Variants in DNM1L observed in about 807,000 individuals in gnomAD.
DNM1L encodes dynamin 1L, also known as dynamin-1-like protein.
Under a neutral mutation model 92.8 loss-of-function variants are expected in DNM1L, and 33 were observed. The ratio of observed to expected loss-of-function variants is 0.36; its 90% CI spans 0.27 to 0.48. DNM1L has a LOEUF of 0.48. Among genes scored for constraint, DNM1L ranks in the 20% least tolerant of loss-of-function variants. The pLI, the probability that DNM1L is intolerant of heterozygous loss-of-function variation, is 0.99. For synonymous variants in DNM1L, 284 were observed against 305.0 expected, an observed-to-expected ratio of 0.93 and a Z score of 0.72; for missense variants, 485 against 888.8, an observed-to-expected ratio of 0.55 and a Z score of 5.78.
intron 14 of DNM1L, 98 bp from the exon 15 acceptor site, chr12:32,737,767 C>T (rs1435893891): frequency 3.7e-5 from 33 of 899,620 alleles, no homozygotes; most frequent in African/African-American, 1.3e-4. Flanking sequence ...TGTTATTTTA[C>T]GATTTCATTA....
At chr12:32,686,091 C>T (rs1386737688) in intron 1 of DNM1L, among the ~76,000 whole-genome samples, 1 of 113,082 alleles carries the variant, frequency 8.8e-6, no homozygotes, top group Non-Finnish European at 1.7e-5. Flanking sequence ...GCTCTTGTTG[C>T]CCAGGCTGGA....
Position 32,707,012 on chromosome 12 carries a change from C to T in DNM1L, c.251-355C>T, listed in dbSNP as rs984880444. Reference sequence around the variant, plus strand: ...AAACTGCTTTTATATGTAAGATTTTCAAAACTAAAGAATATTCCTTTTACT... The same window carrying T: ...AAACTGCTTTTATATGTAAGATTTTTAAAACTAAAGAATATTCCTTTTACT... On this transcript the variant is annotated intron_variant, in intron 2 of 19. Transcript: ENST00000549701. The T allele has an allele frequency of 3.1e-4, 70 of 224,000 alleles. 1 individual carries two copies. The highest frequency in any genetic ancestry group is 6.0e-4 in the Admixed American group (11 of 18,196). The allele number at this position is 224,000 out of a possible 1,614,324, so 13.9% of individuals were successfully genotyped here. A position where few individuals can be genotyped will look rare whatever the true frequency, so the allele number is the denominator to read the frequency against.
intron 1 of DNM1L, among the ~76,000 whole-genome samples, chr12:32,689,404 T>G (rs1057410597): frequency 6.6e-6 from 1 of 151,948 alleles, no homozygotes; most frequent in African/African-American, 2.4e-5. Flanking sequence ...TCCATGTTAG[T>G]CAGTCTGGTC....
intron 1 of DNM1L, among the ~76,000 whole-genome samples, chr12:32,686,721 C>T (rs1407923910): frequency 3.3e-5 from 5 of 152,174 alleles, no homozygotes; most frequent in African/African-American, 7.2e-5. Flanking sequence ...TTTTCCACAG[C>T]AGCTACACCA....
intron 12 of DNM1L, chr12:32,732,550 C>T (rs912870684): frequency 2.2e-6 from 1 of 455,756 alleles, no homozygotes; most frequent in Non-Finnish European, 4.4e-6. Flanking sequence ...CATTTGGGTC[C>T]TTGGCTCAGG....
intron 1 of DNM1L, chr12:32,679,774 C>T: frequency 9.4e-7 from 1 of 1,063,904 alleles, no homozygotes; most frequent in Non-Finnish European, 1.1e-6. Context: ...GAACTGGAGT[C>T]CGCTGGGACC....
chr12:32,722,460 A>G lies in DNM1L; in HGVS notation c.906A>G (p.Pro302=), dbSNP rs757320981. 1.2e-6 allele frequency: 2 copies of G among 1,612,962 alleles called. No homozygotes were observed. Among genetic ancestry groups the G allele is most frequent in the Admixed American group, 1.7e-5 (1 of 60,022 alleles). Residue 302 remains proline, a synonymous_variant, in exon 9 of 20, where the codon CCA becomes CCG. Transcript: ENST00000549701. The stretch of plus-strand genomic sequence containing the variant: ...TGCATCACATCAGAGATTGTTTACC[A>G]GAGTTGAAAACAAGAATAAATGTTC... The part of the protein sequence containing the change: ...LLMHHIRDCL[P]ELKTRINVLA...
At chr12:32,685,440 A>G (rs1951970855) in intron 1 of DNM1L, among the ~76,000 whole-genome samples, 1 of 142,916 alleles carries the variant, frequency 7.0e-6, no homozygotes, top group Non-Finnish European at 1.5e-5. Flanking sequence ...GGCTTACCGC[A>G]ACCTCTGCCT....
rs1487422671 is a variant in DNM1L at position 32,743,775 on chromosome 12, A to C, written c.*365A>C. On this transcript the variant is annotated 3_prime_UTR_variant, in exon 20 of 20. Transcript: ENST00000549701. ...TTAGTAGTCTTAAAGCTGCTGCCAT[A>C]GTCCTCCAAGAAGAAAGCACCAAGA... The C allele has an allele frequency of 3.9e-6, 1 of 255,884 alleles. No homozygotes were observed. The highest frequency in any genetic ancestry group is 2.2e-5 in the African/African-American group (1 of 45,024). The allele number at this position is 255,884 out of a possible 1,614,324, so 15.9% of individuals were successfully genotyped here.
intron 6 of DNM1L, among the ~76,000 whole-genome samples, chr12:32,714,797 G>T (rs1354241421): frequency 6.6e-6 from 1 of 151,008 alleles, no homozygotes; most frequent in Non-Finnish European, 1.5e-5. Flanking sequence ...GACCAGCCTG[G>T]GCAGCAAAGT....
rs1409713200 is a variant in DNM1L, at chr12:32,699,104, A to G, written c.103-2311A>G. Among the ~76,000 whole-genome samples the G allele has an allele frequency of 7.9e-5, 12 of 152,288 alleles. No homozygotes were observed. The East Asian group carries it at 1.3e-3, about 17-fold the overall frequency. ...CTTGTTCTTAGGAGATGCATGCCAC[A>G]ATGTTTAGAGTGGAGTATCATGATT... is the stretch of plus-strand genomic sequence containing the variant. On this transcript the variant is annotated intron_variant, in intron 1 of 19. Coordinates refer to ENST00000549701, the MANE Select transcript of DNM1L (RefSeq NM_012062.5).
At position 32,743,412 on chromosome 12, in the gene DNM1L, GA is replaced by G. The variant is rs570804733; in HGVS notation, c.*3del. On this transcript the variant is annotated 3_prime_UTR_variant, in exon 20 of 20. Transcript: ENST00000549701. ...ATCCGGGAGACTCATCTTTGGTGAA[GA>G]GAACTATGTAATACTGAGACTTTGT... is the stretch of plus-strand genomic sequence containing the variant. 706 of 1,613,876 alleles carry G rather than the reference GA, an allele frequency of 4.4e-4. 6 individuals carry two copies. In the African/African-American group the frequency reaches 8.0e-3, roughly 18 times the overall value.
chr12:32,717,406 AATATATATTTTAAATATATACT>A (rs1236381319), intron 6 of DNM1L, among the ~76,000 whole-genome samples: 13,727 of 71,062 alleles, frequency 0.19, 1,854 homozygotes, highest in African/African-American at 0.38. Flanking sequence ...TATAATATAT[AATATATATTTTAAATATATACT>A]ATATATATTT....
intron 1 of DNM1L, among the ~76,000 whole-genome samples, chr12:32,699,422 G>C (rs899900727): frequency 1.3e-5 from 2 of 152,064 alleles, no homozygotes; most frequent in Admixed American, 1.3e-4. Flanking sequence ...TGAATAAGCA[G>C]ATCACTAAAG....
intron 14 of DNM1L, 69 bp from the exon 15 acceptor site, chr12:32,737,796 T>C (rs1000871471): frequency 4.2e-5 from 49 of 1,167,924 alleles, no homozygotes; most frequent in Non-Finnish European, 2.8e-5. Flanking sequence ...AAAAATTCAT[T>C]TATAGAATGT....
chr12:32,741,906 G>C (rs563106640), intron 18 of DNM1L, among the ~76,000 whole-genome samples: 2 of 151,992 alleles, frequency 1.3e-5, no homozygotes, highest in Non-Finnish European at 2.9e-5. Flanking sequence ...ACCTAATAAT[G>C]CATTTCTCAA....
intron 4 of DNM1L, chr12:32,709,435 T>G (rs946786945): frequency 2.6e-5 from 4 of 152,182 alleles, no homozygotes; most frequent in Non-Finnish European, 4.4e-5. Context: ...TTCAGAAATG[T>G]TTTTAGTTAC....
chr12:32,692,010 A>G (rs1199397436), intron 1 of DNM1L, among the ~76,000 whole-genome samples: 1 of 123,808 alleles, frequency 8.1e-6, no homozygotes, highest in African/African-American at 4.4e-5. Flanking sequence ...TCAGACTGGC[A>G]TTAGATTCCA....
At chr12:32,712,672 A>AAAG (rs1953183385) in intron 5 of DNM1L, among the ~76,000 whole-genome samples, 2 of 148,146 alleles carry the variant, frequency 1.4e-5, no homozygotes, top group Non-Finnish European at 3.0e-5. Context: ...AAAAAAAAAA[A>AAAG]AAAAAAGAAA....
Sources: gnomAD v4.1 joint callset for allele counts (sites outside exome capture counted in the v4.1 genomes callset) on GRCh38, gnomAD v4.1.1 for gene constraint, MANE v1.5 for transcripts, NCBI Gene and HGNC (gene_info 2026-07-23, HGNC 2026-07-21) for gene names.